The following RIMBP2 variants were observed in gnomAD, a reference collection of about 807,000 sequenced individuals.
The protein encoded by RIMBP2 is RIMS binding protein 2.
In RIMBP2, 48 loss-of-function variants were observed where a neutral mutation model predicts 118.6. The observed-to-expected ratio is 0.40, with a 90% CI of 0.32 to 0.51. The LOEUF (loss-of-function observed/expected upper bound fraction) is 0.51. Ranked by LOEUF, RIMBP2 falls within the 20% of genes least tolerant of loss-of-function variation. The pLI is 0.41. For missense variants in RIMBP2, 1,551 were observed against 1,768.3 expected, an observed-to-expected ratio of 0.88 and a Z score of 2.20; for synonymous variants, 762 against 742.9, an observed-to-expected ratio of 1.03 and a Z score of -0.42.
intron 2 of RIMBP2, among the ~76,000 whole-genome samples, chr12:130,549,510 C>A (rs2055521283): frequency 6.6e-6 from 1 of 152,144 alleles, no homozygotes. Flanking sequence ...CTGCTCCTCC[C>A]ACCCTCCACC....
At chr12:130,690,109 G>A (rs1014005022) in intron 1 of RIMBP2, among the ~76,000 whole-genome samples, 22 of 152,170 alleles carry the variant, frequency 1.4e-4, no homozygotes, top group Admixed American at 3.9e-4. Flanking sequence ...CAGCAAGGGC[G>A]GGTCAAGTCC....
rs1198844938 is a variant in RIMBP2 at position 130,622,097 on chromosome 12, A to G, written c.-217+6225T>C. Among the ~76,000 whole-genome samples the G allele has an allele frequency of 3.3e-5, 5 of 152,238 alleles. No homozygotes were observed. Among genetic ancestry groups the G allele is most frequent in the Non-Finnish European group, 7.3e-5 (5 of 68,038 alleles). The stretch of plus-strand genomic sequence containing the variant: ...ACATTAAGAGCCATTTTAACTAGAC[A>G]TTTCCGCACAAATAAAATTAGGCCG... On this transcript the variant is annotated intron_variant, in intron 2 of 22. Coordinates refer to ENST00000690449, the MANE Select transcript of RIMBP2 (RefSeq NM_001393629.1). The surrounding 1 kb of genome is among the most constrained non-coding windows in gnomAD (Gnocchi z 8.5).
intron 2 of RIMBP2, among the ~76,000 whole-genome samples, chr12:130,585,425 C>T (rs1326469534): frequency 6.6e-6 from 1 of 152,100 alleles, no homozygotes; most frequent in African/African-American, 2.4e-5. Flanking sequence ...TATTAGCACA[C>T]ATGAAAATGG....
chr12:130,626,127 G>A (rs537130620), intron 2 of RIMBP2, among the ~76,000 whole-genome samples: 1 of 152,320 alleles, frequency 6.6e-6, no homozygotes, highest in East Asian at 1.9e-4. Flanking sequence ...ATGATTAGTG[G>A]CTCTATTGTA....
rs1462708799 is a variant in RIMBP2 at position 130,590,891 on chromosome 12, T to C, written c.-217+37431A>G. ...GGCTGGCTGGCTGGCTAGGTGCAAG[T>C]TGCACACGAACTTCCGTGAGGAAGC... On this transcript the variant is annotated intron_variant, in intron 2 of 22. Coordinates refer to ENST00000690449, the MANE Select transcript of RIMBP2 (RefSeq NM_001393629.1). Among the ~76,000 whole-genome samples, 5 of 152,302 alleles carry C rather than the reference T, an allele frequency of 3.3e-5. No individual in the cohort carries two copies. The South Asian group carries it at 1.0e-3, about 32-fold the overall frequency.
At chr12:130,649,094 G>C (rs1184834561) in intron 1 of RIMBP2, among the ~76,000 whole-genome samples, 3 of 145,856 alleles carry the variant, frequency 2.1e-5, no homozygotes, top group African/African-American at 4.9e-5. Flanking sequence ...CCTGCCCTTC[G>C]TGGCGGCCGA....
intron 6 of RIMBP2, among the ~76,000 whole-genome samples, chr12:130,460,084 G>T (rs947977289): frequency 2.6e-5 from 4 of 152,216 alleles, no homozygotes; most frequent in African/African-American, 9.6e-5. Context: ...CTGTCCAAGG[G>T]AGACAGAAAA....
chr12:130,665,600 C>T (rs1248994337), intron 1 of RIMBP2, among the ~76,000 whole-genome samples: 4 of 151,642 alleles, frequency 2.6e-5, no homozygotes, highest in Non-Finnish European at 4.4e-5. Context: ...ACAAACCCTC[C>T]GTGAGGAACC....
At chr12:130,634,029 T>C (rs1244392255) in intron 1 of RIMBP2, among the ~76,000 whole-genome samples, 2 of 152,208 alleles carry the variant, frequency 1.3e-5, no homozygotes, top group African/African-American at 4.8e-5. Context: ...ATGGGAGCCG[T>C]TGGCACACAG....
chr12:130,681,489 C>T (rs893210220), intron 1 of RIMBP2, among the ~76,000 whole-genome samples: 2 of 151,906 alleles, frequency 1.3e-5, no homozygotes, highest in African/African-American at 4.8e-5. Flanking sequence ...CTCCCCCTTC[C>T]TCCCTCCCCT....
chr12:130,441,416 T>TC (rs2078121375), intron 11 of RIMBP2, among the ~76,000 whole-genome samples: 3 of 138,910 alleles, frequency 2.2e-5, no homozygotes, highest in Admixed American at 7.0e-5. Flanking sequence ...ATAATAATAA[T>TC]AATAATAATA....
intron 2 of RIMBP2, among the ~76,000 whole-genome samples, chr12:130,552,769 C>T (rs1176319521): frequency 6.6e-6 from 1 of 152,134 alleles, no homozygotes; most frequent in African/African-American, 2.4e-5. Flanking sequence ...GTGTACATCC[C>T]AGGGTGACAG....
At chr12:130,630,095 T>C (rs1051148694) in intron 1 of RIMBP2, among the ~76,000 whole-genome samples, 2 of 151,324 alleles carry the variant, frequency 1.3e-5, no homozygotes, top group South Asian at 2.1e-4. Context: ...ATGAAAAAGA[T>C]AGTTGCTGAA....
chr12:130,630,973 G>A (rs182041464), intron 1 of RIMBP2, among the ~76,000 whole-genome samples: 3 of 152,172 alleles, frequency 2.0e-5, no homozygotes, highest in African/African-American at 7.2e-5. Context: ...AAAGATAAAA[G>A]GGAAAGCCAC....
chr12:130,555,493 C>T (rs759733309), intron 2 of RIMBP2, among the ~76,000 whole-genome samples: 1 of 152,106 alleles, frequency 6.6e-6, no homozygotes, highest in Non-Finnish European at 1.5e-5. Flanking sequence ...AAATGCAAGC[C>T]TGAACACACA....
intron 1 of RIMBP2, among the ~76,000 whole-genome samples, chr12:130,701,141 C>T (rs946057431): frequency 1.3e-5 from 2 of 152,204 alleles, no homozygotes; most frequent in African/African-American, 4.8e-5. Flanking sequence ...CAGTTGGAGG[C>T]CACTGGGTTC....
chr12:130,512,417 G>A (rs1050805346), intron 3 of RIMBP2, among the ~76,000 whole-genome samples: 2 of 152,160 alleles, frequency 1.3e-5, no homozygotes, highest in Non-Finnish European at 2.9e-5. Flanking sequence ...TCACCTCCTG[G>A]GTTCAAGTGA....
At chr12:130,546,209 T>C (rs1350912682) in intron 2 of RIMBP2, among the ~76,000 whole-genome samples, 1 of 150,374 alleles carries the variant, frequency 6.7e-6, no homozygotes, top group Non-Finnish European at 1.5e-5. Flanking sequence ...GTTCAAGTGA[T>C]TCTCCTGCCT....
chr12:130,647,351 AG>A (rs1435096433), intron 1 of RIMBP2, among the ~76,000 whole-genome samples: 1 of 152,184 alleles, frequency 6.6e-6, no homozygotes, highest in Non-Finnish European at 1.5e-5. Flanking sequence ...TGACAAAGCA[AG>A]ACTGTCTCAA....
Sources: gnomAD v4.1 joint callset for allele counts (sites outside exome capture counted in the v4.1 genomes callset) on GRCh38, gnomAD v4.1.1 for gene constraint, Gnocchi (gnomAD v3.1) non-coding constraint, MANE v1.5 for transcripts, NCBI Gene and HGNC (gene_info 2026-07-23, HGNC 2026-07-21) for gene names.